Variants in HNF4A observed in about 807,000 individuals in gnomAD.
The protein encoded by HNF4A is hepatocyte nuclear factor 4 alpha, also known as hepatocyte nuclear factor 4-alpha.
In HNF4A, 15 loss-of-function variants were observed where a neutral mutation model predicts 52.4. The ratio of observed to expected loss-of-function variants is 0.29; its 90% CI spans 0.19 to 0.44. HNF4A has a LOEUF of 0.44. Among genes scored for constraint, HNF4A ranks in the 20% least tolerant of loss-of-function variants. The probability of loss-of-function intolerance (pLI) is 1.00; values close to 1 mark genes in which losing one functional copy is unlikely to be tolerated. For missense variants in HNF4A, 479 were observed against 647.2 expected (o/e 0.74, Z 2.82); for synonymous variants, 280 against 264.4 (o/e 1.06, Z -0.57).
rs1361747989 is a variant in HNF4A at position 44,407,372 on chromosome 20, C to G, written c.291-9C>G. The G allele has an allele frequency of 6.2e-7, 1 of 1,604,082 alleles. No homozygotes were observed. Among genetic ancestry groups the G allele is most frequent in the Non-Finnish European group, 8.5e-7 (1 of 1,173,450 alleles). On this transcript the variant is annotated splice_polypyrimidine_tract_variant and intron_variant, in intron 2 of 9. Coordinates refer to ENST00000316099, the MANE Select transcript of HNF4A (RefSeq NM_000457.6). ...TCTTCTCCATCCAACCATCCAAAGC[C>G]CTCCCCAGATTTAGCCGGCAGTGCG...
At position 44,360,736 on chromosome 20, in the gene HNF4A, T is replaced by C. The variant is rs114894694; in HGVS notation, c.49+4883T>C. Among the ~76,000 whole-genome samples, 437 of 152,290 alleles carry C rather than the reference T, an allele frequency of 2.9e-3. 1 individual carries two copies. Among genetic ancestry groups the C allele is most frequent in the African/African-American group, 0.01 (421 of 41,570 alleles). ...AGGTGAGCCTAATTTTTCCTAGCTA[T>C]GTAGGCCTAGTCCCTTTGACCAATA... On this transcript the variant is annotated intron_variant, in intron 1 of 9. Transcript: ENST00000316673.
At position 44,402,612 on chromosome 20, in the gene HNF4A, T is replaced by C. The variant is rs531178712; in HGVS notation, c.115+1125T>C. ...CATCCCCTCCGACATCACTGGAGCA[T>C]ATCTGGAGGGGTGGACAGTTCTCCA... is the stretch of plus-strand genomic sequence containing the variant. On this transcript the variant is annotated intron_variant, in intron 1 of 9. Coordinates refer to ENST00000316099, the MANE Select transcript of HNF4A (RefSeq NM_000457.6). The C allele has an allele frequency of 2.2e-6, 3 of 1,365,406 alleles. No individual in the cohort carries two copies. In the East Asian group the frequency reaches 1.4e-4, roughly 62 times the overall value. The allele number at this position is 1,365,406 out of a possible 1,614,324, so 84.6% of individuals were successfully genotyped here.
intron 1 of HNF4A, among the ~76,000 whole-genome samples, chr20:44,371,739 C>G (rs1018367696): frequency 4.6e-5 from 7 of 152,118 alleles, no homozygotes; most frequent in African/African-American, 1.7e-4. Context: ...GCAGGAGAAT[C>G]TCTTGAACCC....
chr20:44,415,837 T>C (rs2063656161), intron 5 of HNF4A, among the ~76,000 whole-genome samples: 1 of 152,054 alleles, frequency 6.6e-6, no homozygotes, highest in South Asian at 2.1e-4. Context: ...TCTTCCATGG[T>C]TCCTCCTTCC....
chr20:44,393,584 C>T (rs954495917), intron 1 of HNF4A, among the ~76,000 whole-genome samples: 4 of 152,192 alleles, frequency 2.6e-5, no homozygotes, highest in African/African-American at 9.7e-5. Context: ...TATGGCTCAA[C>T]CTCCCTGTGC....
chr20:44,407,757 T>TTGTGTGTGTG lies in HNF4A; in HGVS notation c.385+308_385+317dup, dbSNP rs35406830. Among the ~76,000 whole-genome samples the TTGTGTGTGTG allele has an allele frequency of 0.015, 2,224 of 145,914 alleles. 45 individuals are homozygous for TTGTGTGTGTG. Among genetic ancestry groups the TTGTGTGTGTG allele is most frequent in the African/African-American group, 0.037 (1,428 of 39,106 alleles). On this transcript the variant is annotated intron_variant, in intron 3 of 9. Coordinates refer to ENST00000316099, the MANE Select transcript of HNF4A (RefSeq NM_000457.6). ...TCTGCGCCACCACAAAGCAGCCACG[T>TTGTGTGTGTG]TGTGTGTGTGTGTGTGTGTGTGTGT...
chr20:44,417,479 C>T lies in HNF4A; in HGVS notation c.649-946C>T, dbSNP rs183524452. 5.8e-4 allele frequency among the ~76,000 whole-genome samples: 89 copies of T among 152,328 alleles called. 1 individual carries two copies. The highest frequency in any genetic ancestry group is 9.1e-4 in the Admixed American group (14 of 15,306). Reference sequence around the variant, plus strand: ...CTCTGAGAAGGACCAGCCCTGAGACCTAACATCCACATCCAAGTTCTTGTA... The same window carrying T: ...CTCTGAGAAGGACCAGCCCTGAGACTTAACATCCACATCCAAGTTCTTGTA... On this transcript the variant is annotated intron_variant, in intron 5 of 9. Transcript: ENST00000316099.
chr20:44,369,280 TG>T (rs1464411040), intron 1 of HNF4A, among the ~76,000 whole-genome samples: 98 of 67,466 alleles, frequency 1.5e-3, no homozygotes, highest in African/African-American at 5.6e-3. Flanking sequence ...AAAAAAAAAC[TG>T]GGCCGGCCAC....
chr20:44,403,323 A>G (rs1422103644), intron 1 of HNF4A, among the ~76,000 whole-genome samples: 1 of 152,200 alleles, frequency 6.6e-6, no homozygotes, highest in Non-Finnish European at 1.5e-5. Flanking sequence ...TTCCTCTCTG[A>G]GCCTCAGTTT....
intron 3 of HNF4A, among the ~76,000 whole-genome samples, chr20:44,413,036 G>A (rs1242721275): frequency 6.6e-6 from 1 of 152,186 alleles, no homozygotes; most frequent in East Asian, 1.9e-4. Context: ...CGGGATGGTG[G>A]AAGGATCATC....
rs1202496831 is a variant in HNF4A at position 44,373,366 on chromosome 20, G to T, written c.49+17513G>T. Among the ~76,000 whole-genome samples, 3 of 152,042 alleles carry T rather than the reference G, an allele frequency of 2.0e-5. No homozygotes were observed. In the East Asian group the frequency reaches 5.8e-4, roughly 29 times the overall value. On this transcript the variant is annotated intron_variant, in intron 1 of 9. Coordinates refer to the HNF4A transcript ENST00000316673. Reference sequence around the variant, plus strand: ...TTTTAAAATTTTCTGTAGAGATGGGGTCTTACTGTGTTGCCCAGGCTGGTC... The same window carrying T: ...TTTTAAAATTTTCTGTAGAGATGGGTTCTTACTGTGTTGCCCAGGCTGGTC...
At chr20:44,418,652 T>A in intron 6 of HNF4A, 140 bp downstream of exon 6, 1 of 669,626 alleles carries the variant, frequency 1.5e-6, no homozygotes, top group Non-Finnish European at 2.6e-6. Flanking sequence ...AGGCTTGCAT[T>A]AGAGGGCTCC....
In HNF4A at chr20:44,388,908, C is replaced by T. The variant is rs114896523; in HGVS notation, c.50-17150C>T. 7.0e-3 allele frequency among the ~76,000 whole-genome samples: 1,063 copies of T among 152,342 alleles called. 12 individuals are homozygous for T. The highest frequency in any genetic ancestry group is 0.024 in the African/African-American group (991 of 41,574). On this transcript the variant is annotated intron_variant, in intron 1 of 9. Transcript: ENST00000316673. ...GTTCCTTTGGCCTCTTCCCCTGGCT[C>T]CCAGCCCCACAGAAGACATTGGCTG...
intron 1 of HNF4A, among the ~76,000 whole-genome samples, chr20:44,391,836 T>A (rs2063305767): frequency 6.6e-6 from 1 of 152,162 alleles, no homozygotes; most frequent in African/African-American, 2.4e-5. Context: ...TGGTTCCCCA[T>A]AGTGAGGAAG....
At chr20:44,368,141 C>CATATATAT (rs756822197) in intron 1 of HNF4A, among the ~76,000 whole-genome samples, 213 of 12,884 alleles carry the variant, frequency 0.017, 12 homozygotes, top group Non-Finnish European at 0.022. Context: ...TGTGTATATA[C>CATATATAT]ATATATATAT....
chr20:44,402,515 A>G, intron 1 of HNF4A: 1 of 1,309,700 alleles, frequency 7.6e-7, no homozygotes, highest in Non-Finnish European at 1.0e-6. Flanking sequence ...TCACCAAGTG[A>G]GATTCATATC....
At chr20:44,405,497 A>G (rs2063487750) in intron 1 of HNF4A, among the ~76,000 whole-genome samples, 1 of 152,110 alleles carries the variant, frequency 6.6e-6, no homozygotes, top group African/African-American at 2.4e-5. Context: ...ACATTTGTGT[A>G]GATGCAGTAG....
At chr20:44,415,990 G>A (rs1210840617) in intron 5 of HNF4A, among the ~76,000 whole-genome samples, 1 of 152,138 alleles carries the variant, frequency 6.6e-6, no homozygotes, top group African/African-American at 2.4e-5. Context: ...GGGCTTAGCA[G>A]GGCAACAAGA....
At chr20:44,410,906 G>A (rs1600717562) in intron 3 of HNF4A, among the ~76,000 whole-genome samples, 1 of 152,120 alleles carries the variant, frequency 6.6e-6, no homozygotes, top group South Asian at 2.1e-4. Flanking sequence ...CGACCACAGA[G>A]AGGGGCTTCA....
Sources: allele counts gnomAD v4.1 joint callset (sites outside exome capture counted in the v4.1 genomes callset), GRCh38; gene constraint gnomAD v4.1.1; transcripts MANE v1.5; gene names NCBI Gene and HGNC (gene_info 2026-07-23, HGNC 2026-07-21).